PITPNM3: variants seen among roughly 807,000 people sequenced by gnomAD.
PITPNM3 encodes the protein PITPNM family member 3, also known as membrane-associated phosphatidylinositol transfer protein 3.
A neutral mutation model predicts 102.0 loss-of-function variants in PITPNM3; 26 were observed. The ratio of observed to expected loss-of-function variants is 0.25; its 90% CI spans 0.19 to 0.35. The LOEUF (loss-of-function observed/expected upper bound fraction) is 0.35, where lower values mean the gene tolerates loss of function less well. PITPNM3 is among the 10% of genes least tolerant of loss of function. The probability of loss-of-function intolerance (pLI) is 1.00; values close to 1 mark genes in which losing one functional copy is unlikely to be tolerated. For synonymous variants in PITPNM3, 578 were observed against 558.6 expected, an observed-to-expected ratio of 1.03 and a Z score of -0.49; for missense variants, 1,083 against 1,346.1, an observed-to-expected ratio of 0.80 and a Z score of 3.06.
chr17:6,523,582 G>A (rs1325918101), intron 3 of PITPNM3, among the ~76,000 whole-genome samples: 4 of 152,212 alleles, frequency 2.6e-5, no homozygotes, highest in Admixed American at 2.6e-4. Flanking sequence ...AAGTGGGGAT[G>A]GGGGATGGGA....
At position 6,492,156 on chromosome 17, in the gene PITPNM3, C is replaced by T. The variant is rs1018388923; in HGVS notation, c.275-7864G>A. ...TGGGCTCACTGCAACCTCCACCTCC[C>T]GGGTTCCAGCAATTCTCTTGCCTCA... On this transcript the variant is annotated intron_variant, in intron 4 of 19. Transcript: ENST00000262483. Among the ~76,000 whole-genome samples the T allele has an allele frequency of 9.2e-5, 14 of 151,464 alleles. No individual in the cohort carries two copies. The East Asian group carries it at 2.5e-3, about 27-fold the overall frequency.
intron 3 of PITPNM3, among the ~76,000 whole-genome samples, chr17:6,504,442 T>G (rs1246414004): frequency 6.6e-6 from 1 of 152,136 alleles, no homozygotes; most frequent in Admixed American, 6.5e-5. Flanking sequence ...TCACCCTGTT[T>G]CTGTAGCCCT....
At position 6,455,647 on chromosome 17, in the gene PITPNM3, C is replaced by T. The variant is rs1567656680; in HGVS notation, c.2620-4G>A. On this transcript the variant is annotated splice_region_variant and splice_polypyrimidine_tract_variant and intron_variant, in intron 19 of 19. Coordinates refer to ENST00000262483, the MANE Select transcript of PITPNM3 (RefSeq NM_031220.4). ...CGGCGTAGCCCTCGCTCAGGAACTGCGGAGGGCAGGGGAGGGCAGGGGAGG... is the reference window on the plus strand; with the variant it reads ...CGGCGTAGCCCTCGCTCAGGAACTGTGGAGGGCAGGGGAGGGCAGGGGAGG... 2 of 1,380,538 alleles carry T rather than the reference C, an allele frequency of 1.4e-6. No homozygotes were observed. The highest frequency in any genetic ancestry group is 1.9e-6 in the Non-Finnish European group (2 of 1,055,258). 85.5% of individuals were successfully genotyped at this position (1,380,538 alleles called of 1,614,324 possible).
intron 1 of PITPNM3, among the ~76,000 whole-genome samples, chr17:6,539,520 A>AAGATCG (rs1169195275): frequency 2.0e-5 from 3 of 152,212 alleles, no homozygotes; most frequent in Non-Finnish European, 4.4e-5. Context: ...TGCAGGATAC[A>AAGATCG]AGATCGACAT....
chr17:6,488,993 T>A (rs1906266791), intron 4 of PITPNM3, among the ~76,000 whole-genome samples: 1 of 152,132 alleles, frequency 6.6e-6, no homozygotes, highest in African/African-American at 2.4e-5. Context: ...CCCCACTAGC[T>A]CCACATCAGG....
rs1236147247 is a variant in PITPNM3 at position 6,525,565 on chromosome 17, TC to T, written c.119-103del. 7 of 856,306 alleles carry T rather than the reference TC, an allele frequency of 8.2e-6. No homozygotes were observed. The African/African-American group carries it at 9.9e-5, about 12-fold the overall frequency. The allele number at this position is 856,306 out of a possible 1,614,324, so 53.0% of individuals were successfully genotyped here. A position where few individuals can be genotyped will look rare whatever the true frequency, so the allele number is the denominator to read the frequency against. On this transcript the variant is annotated intron_variant, in intron 2 of 19. Transcript: ENST00000262483. ...GGACATTTTCTCTTGTCCTATTTCT[TC>T]CTTGAGTTGAGGTACACCTCAACTC...
chr17:6,461,294 G>T, intron 18 of PITPNM3, 79 bp downstream of exon 18: 1 of 1,509,994 alleles, frequency 6.6e-7, no homozygotes. Flanking sequence ...CCCCACCCGG[G>T]AGGAGGGAGA....
intron 3 of PITPNM3, among the ~76,000 whole-genome samples, chr17:6,516,639 A>C (rs548723627): frequency 3.3e-5 from 5 of 152,248 alleles, no homozygotes; most frequent in Admixed American, 1.3e-4. Flanking sequence ...GTAGTGAAAG[A>C]GCACAGCCAG....
Position 6,463,747 on chromosome 17 carries a change from G to A in PITPNM3, c.2291C>T (p.Ala764Val). Reference sequence around the variant, plus strand: ...TGGCACTCACCGGACAACATCCACTGCACCCGGCCGGACCTTGGGGTCGCT... The same window carrying A: ...TGGCACTCACCGGACAACATCCACTACACCCGGCCGGACCTTGGGGTCGCT... ...MGSDPKVRPG[A>V]VDVVRHWQDL... The change falls in exon 17 of 20, where the codon GCA becomes GTA. Residue 764 changes from alanine to valine, a missense_variant. By Grantham distance (64) the Ala-to-Val change is moderately conservative (BLOSUM62 0). Around this residue, in one of 5 missense-constraint regions of PITPNM3, gnomAD observed 410 missense variants for 638.4 expected, o/e 0.64. Coordinates refer to ENST00000262483, the MANE Select transcript of PITPNM3 (RefSeq NM_031220.4). 4 of 1,611,502 alleles carry A rather than the reference G, an allele frequency of 2.5e-6. No homozygotes were observed. Among genetic ancestry groups the A allele is most frequent in the Non-Finnish European group, 3.4e-6 (4 of 1,179,710 alleles).
intron 2 of PITPNM3, among the ~76,000 whole-genome samples, chr17:6,530,194 A>G (rs1235441767): frequency 6.6e-6 from 1 of 152,184 alleles, no homozygotes; most frequent in African/African-American, 2.4e-5. Flanking sequence ...CAGAGGACAC[A>G]TATCATTTTC....
At chr17:6,515,853 T>C (rs1329196977) in intron 3 of PITPNM3, among the ~76,000 whole-genome samples, 2 of 151,614 alleles carry the variant, frequency 1.3e-5, no homozygotes, top group African/African-American at 4.9e-5. Context: ...CACATGAAAA[T>C]GAAAAGATGA....
At chr17:6,531,996 C>T (rs1408740229) in intron 2 of PITPNM3, among the ~76,000 whole-genome samples, 1 of 152,056 alleles carries the variant, frequency 6.6e-6, no homozygotes, top group Non-Finnish European at 1.5e-5. Flanking sequence ...ATCCCAGCTA[C>T]TTGGGAGGTT....
chr17:6,471,125 C>G, intron 12 of PITPNM3, 36 bp downstream of exon 12: 8 of 1,609,092 alleles, frequency 5.0e-6, no homozygotes, highest in Non-Finnish European at 6.8e-6. Context: ...TCCCCTCCCC[C>G]GAATCCAGGC....
chr17:6,467,901 CA>C (rs1293785018), intron 14 of PITPNM3, among the ~76,000 whole-genome samples: 1 of 152,206 alleles, frequency 6.6e-6, no homozygotes, highest in East Asian at 1.9e-4. Context: ...GACTGAGATC[CA>C]GGACTCTTTC....
intron 17 of PITPNM3, 33 bp downstream of exon 17, chr17:6,463,699 G>T: frequency 6.2e-7 from 1 of 1,607,322 alleles, no homozygotes. Flanking sequence ...TGCCCCCCAG[G>T]GAGATATAGC....
intron 1 of PITPNM3, among the ~76,000 whole-genome samples, chr17:6,551,737 T>C (rs8064628): frequency 4.1e-5 from 6 of 146,164 alleles, no homozygotes; most frequent in Admixed American, 1.5e-4. Flanking sequence ...TTAAAAAAAT[T>C]TTTTTTTTTT....
At chr17:6,483,813 A>T in intron 5 of PITPNM3, 61 bp from the exon 6 acceptor site, 2 of 1,387,718 alleles carry the variant, frequency 1.4e-6, no homozygotes, top group Non-Finnish European at 1.0e-6. Flanking sequence ...GGAGGCACAC[A>T]GGGACACACA....
At chr17:6,471,033 AG>A (rs1905040820) in intron 12 of PITPNM3, 127 bp downstream of exon 12, 9 of 1,104,948 alleles carry the variant, frequency 8.1e-6, no homozygotes, top group Non-Finnish European at 1.2e-5. Context: ...GCAAGCCCCC[AG>A]GACTTCCTTC....
intron 9 of PITPNM3, among the ~76,000 whole-genome samples, chr17:6,475,320 G>T (rs1374779021): frequency 6.6e-6 from 1 of 152,130 alleles, no homozygotes; most frequent in African/African-American, 2.4e-5. Flanking sequence ...TCCAAGTTAC[G>T]TTCAGCCACA....
Sources: gnomAD v4.1 joint callset for allele counts (sites outside exome capture counted in the v4.1 genomes callset) on GRCh38, gnomAD v4.1.1 for gene constraint, gnomAD v4.1.1 regional missense constraint, MANE v1.5 for transcripts, NCBI Gene and HGNC (gene_info 2026-07-23, HGNC 2026-07-21) for gene names.